ACAP1: variants seen among roughly 807,000 people sequenced by gnomAD.
ACAP1 encodes the protein ArfGAP with coiled-coil, ankyrin repeat and PH domains 1.
Under a neutral mutation model 98.8 loss-of-function variants are expected in ACAP1, and 45 were observed. The ratio of observed to expected loss-of-function variants is 0.46; its 90% CI spans 0.36 to 0.58. The LOEUF is 0.58. ACAP1 is among the 20% of genes least tolerant of loss of function. The pLI is 0.00. For synonymous variants in ACAP1, 362 were observed against 375.3 expected (o/e 0.96, Z 0.41); for missense variants, 735 against 971.4 (o/e 0.76, Z 3.24).
rs2073344643 is a variant in ACAP1, at chr17:7,346,248, T to C, written c.859T>C (p.Trp287Arg). 6.2e-7 allele frequency: 1 copy of C among 1,614,096 alleles called. No individual in the cohort carries two copies. Among genetic ancestry groups the C allele is most frequent in the African/African-American group, 1.3e-5 (1 of 74,944 alleles). The change falls in exon 11 of 22, where the codon TGG (tryptophan) becomes CGG (arginine). Residue 287 changes from tryptophan (W) to arginine (R), a missense_variant. Trp to Arg is a moderately radical substitution (Grantham distance 101). Transcript: ENST00000158762. ...AATGATTTCCTTCTCTTACAGACGC[T>C]GGTTCACCATTCAGAGCAACCAACT... Reference protein sequence around the residue: ...SNAFKTWSRRWFTIQSNQLVY... With the variant: ...SNAFKTWSRRRFTIQSNQLVY...
intron 2 of ACAP1, among the ~76,000 whole-genome samples, chr17:7,341,225 A>G (rs1374157496): frequency 6.6e-6 from 1 of 152,204 alleles, no homozygotes. Context: ...ATCTCGGCTC[A>G]CTGCAGCCTT....
Position 7,350,564 on chromosome 17 carries a change from G to T in ACAP1, c.2072+327G>T, listed in dbSNP as rs1054037387. The T allele has an allele frequency of 4.5e-6, 2 of 447,446 alleles. No individual in the cohort carries two copies. The highest frequency in any genetic ancestry group is 8.0e-6 in the Non-Finnish European group (2 of 248,456). The allele number at this position is 447,446 out of a possible 1,614,324, so 27.7% of individuals were successfully genotyped here. On this transcript the variant is annotated intron_variant, in intron 20 of 21. Coordinates refer to ENST00000158762, the MANE Select transcript of ACAP1 (RefSeq NM_014716.4). The surrounding 1 kb of genome is among the most constrained non-coding windows in gnomAD (Gnocchi z 4.6). ...GGGGGTGGGGGCAGATGAACGGAAC[G>T]CAACCCAGCTCAAAGGATGGGAAGT...
rs540925617 is a variant in ACAP1 at position 7,341,014 on chromosome 17, T to C, written c.112-934T>C. Among the ~76,000 whole-genome samples the C allele has an allele frequency of 1.8e-4, 27 of 152,106 alleles. No individual in the cohort carries two copies. The East Asian group carries it at 2.5e-3, about 14-fold the overall frequency. ...CTCTTTGTCAGTCAAAAGAGCCAGA[T>C]AGGATGGGCCCCAGGAGTACCCCGG... is the stretch of plus-strand genomic sequence containing the variant. On this transcript the variant is annotated intron_variant, in intron 2 of 21. Coordinates refer to ENST00000158762, the MANE Select transcript of ACAP1 (RefSeq NM_014716.4).
chr17:7,343,034 T>G lies in ACAP1; in HGVS notation c.345-345T>G. ...GGTCAGGGCTGCGGTGAGCCATGAT[T>G]GTGCCACTGTACTCCAGCCTGGGTA... On this transcript the variant is annotated intron_variant, in intron 5 of 21. Coordinates refer to ENST00000158762, the MANE Select transcript of ACAP1 (RefSeq NM_014716.4). This position sits in a 1 kb window ranked among gnomAD's most constrained non-coding sequence, Gnocchi z 4.9. The G allele has an allele frequency of 4.2e-6, 1 of 237,236 alleles. No homozygotes were observed. Among genetic ancestry groups the G allele is most frequent in the Non-Finnish European group, 8.2e-6 (1 of 121,712 alleles). The allele number at this position is 237,236 out of a possible 1,614,324, so 14.7% of individuals were successfully genotyped here. A position where few individuals can be genotyped will look rare whatever the true frequency, so the allele number is the denominator to read the frequency against.
In ACAP1 at chr17:7,351,436, C is replaced by G. The variant is rs1317251223; in HGVS notation, c.*41C>G. 2 of 1,461,782 alleles carry G rather than the reference C, an allele frequency of 1.4e-6. No individual in the cohort carries two copies. Among genetic ancestry groups the G allele is most frequent in the Non-Finnish European group, 9.5e-7 (1 of 1,056,300 alleles). 90.6% of individuals were successfully genotyped at this position (1,461,782 alleles called of 1,614,324 possible). The stretch of plus-strand genomic sequence containing the variant: ...GCCCGCGCCTGCCTCCCTTCCCCGC[C>G]ACCGGGCCCTCTGCCATTAAAGCCT... On this transcript the variant is annotated 3_prime_UTR_variant, in exon 22 of 22. Transcript: ENST00000158762.
Position 7,344,176 on chromosome 17 carries a change from C to A in ACAP1, c.744+53C>A. On this transcript the variant is annotated intron_variant, in intron 9 of 21. Coordinates refer to ENST00000158762, the MANE Select transcript of ACAP1 (RefSeq NM_014716.4). This position sits in a 1 kb window ranked among gnomAD's most constrained non-coding sequence, Gnocchi z 4.9. Reference sequence around the variant, plus strand: ...ACCGTCATCCCAACATGTTGGGAGGCTGAGGTGGGAAGATTGCTTGAGGCC... The same window carrying A: ...ACCGTCATCCCAACATGTTGGGAGGATGAGGTGGGAAGATTGCTTGAGGCC... 6.6e-7 allele frequency: 1 copy of A among 1,524,102 alleles called. No homozygotes were observed. Among genetic ancestry groups the A allele is most frequent in the Non-Finnish European group, 8.9e-7 (1 of 1,122,698 alleles). The allele number at this position is 1,524,102 out of a possible 1,614,324, so 94.4% of individuals were successfully genotyped here. A position where few individuals can be genotyped will look rare whatever the true frequency, so the allele number is the denominator to read the frequency against.
rs754216751 is a variant in ACAP1 at position 7,347,986 on chromosome 17, G to C, written c.1408G>C (p.Val470Leu). 8.1e-6 allele frequency: 13 copies of C among 1,614,108 alleles called. No individual in the cohort carries two copies. The highest frequency in any genetic ancestry group is 2.7e-5 in the African/African-American group (2 of 74,942). The stretch of plus-strand genomic sequence containing the variant: ...CCTTGACTCATGGGAGCCAGAACTA[G>C]TGAAGGTAACTTAGCGTATTGTGAA... Reference protein sequence around the residue: ...LTLDSWEPELVKLMCELGNVI... With the variant: ...LTLDSWEPELLKLMCELGNVI... The change falls in exon 15 of 22, where the codon GTG becomes CTG. Residue 470 changes from valine (V) to leucine (L), a missense_variant. By Grantham distance (32) the Val-to-Leu change is conservative (BLOSUM62 1). This residue lies in a region of ACAP1 where 81 missense variants were observed against 132.0 expected (regional missense o/e 0.61). Coordinates refer to ENST00000158762, the MANE Select transcript of ACAP1 (RefSeq NM_014716.4).
rs1257734248 is a variant in ACAP1, at chr17:7,344,571, AAG to A, written c.782_783del (p.Glu261GlyfsTer20). On this transcript the variant is annotated frameshift_variant, in exon 10 of 22. Transcript: ENST00000158762. LOFTEE classifies it high-confidence loss of function. The surrounding 1 kb of genome is among the most constrained non-coding windows in gnomAD (Gnocchi z 4.9). ...GTGGGGAGGAGCCAGAACCAAGCTT[AAG>A]AGAGGGGCCTGGTGGCCTGGTGATG... ...LGGEEPEPSLREGPGGLVMEG... is the reference protein window; with the variant it reads ...LGGEEPEPSLXEGPGGLVMEG... 6.4e-7 allele frequency: 1 copy of A among 1,551,288 alleles called. No homozygotes were observed.
chr17:7,339,077 T>C (rs1403034638), intron 2 of ACAP1, among the ~76,000 whole-genome samples: 1 of 150,120 alleles, frequency 6.7e-6, no homozygotes, highest in Non-Finnish European at 1.5e-5. Context: ...GATCACGAGG[T>C]CAGGAGATCG....
chr17:7,351,436 C>A lies in ACAP1; in HGVS notation c.*41C>A. ...GCCCGCGCCTGCCTCCCTTCCCCGCCACCGGGCCCTCTGCCATTAAAGCCT... is the reference window on the plus strand; with the variant it reads ...GCCCGCGCCTGCCTCCCTTCCCCGCAACCGGGCCCTCTGCCATTAAAGCCT... On this transcript the variant is annotated 3_prime_UTR_variant, in exon 22 of 22. Transcript: ENST00000158762. 3 of 1,461,782 alleles carry A rather than the reference C, an allele frequency of 2.1e-6. No homozygotes were observed. Among genetic ancestry groups the A allele is most frequent in the Non-Finnish European group, 2.8e-6 (3 of 1,056,300 alleles). The allele number at this position is 1,461,782 out of a possible 1,614,324, so 90.6% of individuals were successfully genotyped here. A position where few individuals can be genotyped will look rare whatever the true frequency, so the allele number is the denominator to read the frequency against.
intron 2 of ACAP1, among the ~76,000 whole-genome samples, chr17:7,338,223 G>C (rs376774542): frequency 6.6e-6 from 1 of 152,070 alleles, no homozygotes; most frequent in East Asian, 1.9e-4. Flanking sequence ...GCAACATGGT[G>C]AGACCTCATC....
At chr17:7,348,074 G>T in intron 15 of ACAP1, 53 bp from the exon 16 acceptor site, 1 of 1,610,558 alleles carries the variant, frequency 6.2e-7, no homozygotes. Context: ...GATCCCTGAG[G>T]AGTCACTCAC....
Position 7,350,691 on chromosome 17 carries a change from C to A in ACAP1, c.2073-259C>A, listed in dbSNP as rs1176514731. On this transcript the variant is annotated intron_variant, in intron 20 of 21. Transcript: ENST00000158762. This position sits in a 1 kb window ranked among gnomAD's most constrained non-coding sequence, Gnocchi z 4.6. ...GGGCGCGATCTCGGCTCACTGCAAC[C>A]CCCGCCTCCCGGGTTCAAGCGATTC... 2 of 474,030 alleles carry A rather than the reference C, an allele frequency of 4.2e-6. No homozygotes were observed. Among genetic ancestry groups the A allele is most frequent in the Admixed American group, 3.6e-5 (1 of 27,830 alleles). 29.4% of individuals were successfully genotyped at this position (474,030 alleles called of 1,614,324 possible). A position where few individuals can be genotyped will look rare whatever the true frequency, so the allele number is the denominator to read the frequency against.
In ACAP1 at chr17:7,343,119, G is replaced by T; in HGVS notation, c.345-260G>T. 1 of 419,028 alleles carries T rather than the reference G, an allele frequency of 2.4e-6. No homozygotes were observed. Among genetic ancestry groups the T allele is most frequent in the Non-Finnish European group, 4.2e-6 (1 of 235,876 alleles). 26.0% of individuals were successfully genotyped at this position (419,028 alleles called of 1,614,324 possible). The stretch of plus-strand genomic sequence containing the variant: ...CAACAACAACAAAAATTTTTTAAAG[G>T]GGGAGTGAGATGGGAGAGAAGGGGG... On this transcript the variant is annotated intron_variant, in intron 5 of 21. Transcript: ENST00000158762. The surrounding 1 kb of genome is among the most constrained non-coding windows in gnomAD (Gnocchi z 4.9).
rs925788919 is a variant in ACAP1, at chr17:7,337,029, T to C, written c.53+242T>C. Among the ~76,000 whole-genome samples the C allele has an allele frequency of 2.6e-5, 4 of 151,878 alleles. No homozygotes were observed. The South Asian group carries it at 8.4e-4, about 32-fold the overall frequency. On this transcript the variant is annotated intron_variant, in intron 1 of 21. Coordinates refer to ENST00000158762, the MANE Select transcript of ACAP1 (RefSeq NM_014716.4). ...CCTAGAGCTGGCATTCCCTCTGGCC[T>C]CTCAGTGGGACCCCTGCCCCTCCCC...
chr17:7,341,908 G>A, intron 2 of ACAP1, 40 bp from the exon 3 acceptor site: 1 of 1,611,882 alleles, frequency 6.2e-7, no homozygotes, highest in Non-Finnish European at 8.5e-7. Context: ...CAGGTGTGAG[G>A]ATGATGGCAC....
rs190353822 is a variant in ACAP1, at chr17:7,346,218, T to C, written c.855-26T>C. 1.3e-3 allele frequency: 2,075 copies of C among 1,612,392 alleles called. 24 individuals carry two copies. The highest frequency in any genetic ancestry group is 5.0e-4 in the Middle Eastern group (3 of 6,044). ...GTCCCTCATCCTAAAGCTGCCTATG[T>C]CTGTAATGATTTCCTTCTCTTACAG... On this transcript the variant is annotated intron_variant, in intron 10 of 21. Transcript: ENST00000158762.
At chr17:7,342,547 C>A in intron 5 of ACAP1, 73 bp downstream of exon 5, 1 of 1,530,672 alleles carries the variant, frequency 6.5e-7, no homozygotes, top group Non-Finnish European at 9.0e-7. Context: ...GGGAGGATTG[C>A]TTGAGCCCAG....
chr17:7,337,437 CTGGAGA>C, intron 2 of ACAP1, 68 bp downstream of exon 2: 1 of 1,400,774 alleles, frequency 7.1e-7, no homozygotes, highest in Non-Finnish European at 1.0e-6. Flanking sequence ...AGGGAGAAAG[CTGGAGA>C]CACAGAATGC....
Sources: gnomAD v4.1 joint callset for allele counts (sites outside exome capture counted in the v4.1 genomes callset) on GRCh38, gnomAD v4.1.1 for gene constraint, gnomAD v4.1.1 regional missense constraint, Gnocchi (gnomAD v3.1) non-coding constraint, MANE v1.5 for transcripts, NCBI Gene and HGNC (gene_info 2026-07-23, HGNC 2026-07-21) for gene names.